The following TMEM204 variants were observed in gnomAD, a reference collection of about 807,000 sequenced individuals.
The protein encoded by TMEM204 is transmembrane protein 204, also known as claudin-like protein 24.
Under a neutral mutation model 19.4 loss-of-function variants are expected in TMEM204, and 15 were observed. That is an observed-to-expected ratio of 0.77 (90% CI 0.52 to 1.19). TMEM204 has a LOEUF of 1.19. TMEM204 is among the 50% of genes most tolerant of loss of function. The probability of loss-of-function intolerance (pLI) is 0.00; values close to 1 mark genes in which losing one functional copy is unlikely to be tolerated. For synonymous variants in TMEM204, 161 were observed against 146.0 expected, an observed-to-expected ratio of 1.10 and a Z score of -0.74; for missense variants, 287 against 321.2, an observed-to-expected ratio of 0.89 and a Z score of 0.81.
At chr16:1,537,210 G>A (rs113185530) in intron 1 of TMEM204, among the ~76,000 whole-genome samples, 32 of 151,602 alleles carry the variant, frequency 2.1e-4, no homozygotes, top group African/African-American at 6.7e-4. Flanking sequence ...GTCACACCGC[G>A]TGCCTCCTCA....
At chr16:1,548,595 G>T (rs2032369220) in intron 2 of TMEM204, among the ~76,000 whole-genome samples, 1 of 152,210 alleles carries the variant, frequency 6.6e-6, no homozygotes, top group African/African-American at 2.4e-5. Flanking sequence ...TGGGAGAAAA[G>T]TCTTCAGGAA....
At chr16:1,533,571 G>C (rs1192335874), upstream of TMEM204, 4 of 152,338 alleles carry the variant, frequency 2.6e-5, no homozygotes, top group African/African-American at 9.6e-5. This position sits in a 1 kb window ranked among gnomAD's most constrained non-coding sequence, Gnocchi z 4.7. Flanking sequence ...CCATCAGGAA[G>C]CACATCCTGT....
At chr16:1,541,571 A>G (rs1431716324) in intron 1 of TMEM204, 1 of 896,828 alleles carries the variant, frequency 1.1e-6, no homozygotes, top group East Asian at 1.2e-4. Flanking sequence ...TCCCCTTCCC[A>G]CCTCCACCCC....
chr16:1,536,245 G>A (rs1424655101), intron 1 of TMEM204, among the ~76,000 whole-genome samples: 2 of 152,204 alleles, frequency 1.3e-5, no homozygotes, highest in African/African-American at 2.4e-5. Context: ...TACCTCTTGC[G>A]TTCCTCCAGT....
chr16:1,553,451 C>T lies in TMEM204; in HGVS notation c.437-1331C>T. On this transcript the variant is annotated intron_variant, in intron 2 of 2. Coordinates refer to ENST00000566264, the MANE Select transcript of TMEM204 (RefSeq NM_024600.6). The surrounding 1 kb of genome is among the most constrained non-coding windows in gnomAD (Gnocchi z 4.4). ...GGAGAGACCGGCATGAACAGACGCA[C>T]AGGTGTCAACATGCAGGCCAGGCGG... The T allele has an allele frequency of 1.0e-6, 1 of 985,436 alleles. No individual in the cohort carries two copies. 61.0% of individuals were successfully genotyped at this position (985,436 alleles called of 1,614,324 possible). A position where few individuals can be genotyped will look rare whatever the true frequency, so the allele number is the denominator to read the frequency against.
chr16:1,534,468 GC>G lies in TMEM204; in HGVS notation c.195del (p.Gly66AlafsTer33). The stretch of plus-strand genomic sequence containing the variant: ...GGGAGGGCCGAGCCCTGGGGCCAGA[GC>G]CGGCCAGGTGGACGCACATGACTGT... ...TRGGPSPGAR[A>X]GQVDAHDCEA... On this transcript the variant is annotated frameshift_variant, in exon 1 of 3. Transcript: ENST00000566264. LOFTEE classifies it high-confidence loss of function. 6.2e-7 allele frequency: 1 copy of G among 1,611,098 alleles called. No homozygotes were observed.
rs1230728320 is a variant in TMEM204, at chr16:1,534,358, C to T, written c.83C>T (p.Ser28Phe). The T allele has an allele frequency of 6.2e-7, 1 of 1,612,908 alleles. No homozygotes were observed. The highest frequency in any genetic ancestry group is 1.1e-5 in the South Asian group (1 of 91,088). The change falls in exon 1 of 3, where the codon TCC becomes TTC. Residue 28 changes from serine (S) to phenylalanine (F), a missense_variant. Coordinates refer to ENST00000566264, the MANE Select transcript of TMEM204 (RefSeq NM_024600.6). ...LILNNVAAFT[S>F]NWVCQTLEDG... Reference sequence around the variant, plus strand: ...CTCAACAACGTGGCGGCCTTCACCTCCAACTGGGTGTGCCAGACGCTGGAG... The same window carrying T: ...CTCAACAACGTGGCGGCCTTCACCTTCAACTGGGTGTGCCAGACGCTGGAG...
At position 1,534,555 on chromosome 16, in the gene TMEM204, C is replaced by T. The variant is rs148391234; in HGVS notation, c.280C>T (p.Leu94=). 63 of 1,601,644 alleles carry T rather than the reference C, an allele frequency of 3.9e-5. No individual in the cohort carries two copies. In the East Asian group the frequency reaches 8.9e-4, roughly 23 times the overall value. Residue 94 remains leucine (L), a splice_region_variant and synonymous_variant, in exon 1 of 3, where the codon CTG becomes TTG. Coordinates refer to ENST00000566264, the MANE Select transcript of TMEM204 (RefSeq NM_024600.6). ...GFQESRGTVK[L]QFDMMRACNL... ...CCAGGAGTCCCGAGGCACCGTCAAACGTAAGTCCAATTGTTTTCCTGATGC... is the reference window on the plus strand; with the variant it reads ...CCAGGAGTCCCGAGGCACCGTCAAATGTAAGTCCAATTGTTTTCCTGATGC...
At chr16:1,554,637 A>G (rs2032942721) in intron 2 of TMEM204, 145 bp from the exon 3 acceptor site, 1 of 1,270,476 alleles carries the variant, frequency 7.9e-7, no homozygotes, top group Non-Finnish European at 1.1e-6. Context: ...CTGGGGAAGG[A>G]TAAAGCAGGC....
chr16:1,548,835 G>A (rs1200651976), intron 2 of TMEM204, among the ~76,000 whole-genome samples: 1 of 152,272 alleles, frequency 6.6e-6, no homozygotes, highest in Non-Finnish European at 1.5e-5. Context: ...GCCAAGGTTA[G>A]AGCAGCACAG....
intron 1 of TMEM204, among the ~76,000 whole-genome samples, chr16:1,536,993 G>A (rs2031138203): frequency 6.6e-6 from 1 of 152,240 alleles, no homozygotes; most frequent in East Asian, 1.9e-4. Flanking sequence ...CCCTGGCTGG[G>A]GGCAGCAGCT....
At chr16:1,550,910 T>C (rs927200394) in intron 2 of TMEM204, among the ~76,000 whole-genome samples, 5 of 152,222 alleles carry the variant, frequency 3.3e-5, no homozygotes, top group African/African-American at 1.2e-4. Flanking sequence ...AACAGGCCTG[T>C]TGAGTACAGG....
intron 2 of TMEM204, among the ~76,000 whole-genome samples, chr16:1,547,844 A>G (rs1280374234): frequency 6.6e-6 from 1 of 152,056 alleles, no homozygotes; most frequent in Non-Finnish European, 1.5e-5. Context: ...CAAATCATCT[A>G]TTTATTTCTT....
At position 1,541,973 on chromosome 16, in the gene TMEM204, C is replaced by A. The variant is rs528100414; in HGVS notation, c.333C>A (p.Thr111=). 4 of 1,610,810 alleles carry A rather than the reference C, an allele frequency of 2.5e-6. No homozygotes were observed. Among genetic ancestry groups the A allele is most frequent in the Non-Finnish European group, 3.4e-6 (4 of 1,179,668 alleles). Residue 111 remains threonine, a synonymous_variant, in exon 2 of 3, where the codon ACC becomes ACA. Coordinates refer to ENST00000566264, the MANE Select transcript of TMEM204 (RefSeq NM_024600.6). ...ACCTGGTGGCCACGGCCGCGCTCAC[C>A]GCAGGCCAGCTCACCTTCCTCCTGG... The part of the protein sequence containing the change: ...ACNLVATAAL[T]AGQLTFLLGL...
At position 1,553,505 on chromosome 16, in the gene TMEM204, G is replaced by A. The variant is rs369693219; in HGVS notation, c.437-1277G>A. On this transcript the variant is annotated intron_variant, in intron 2 of 2. Transcript: ENST00000566264. This position sits in a 1 kb window ranked among gnomAD's most constrained non-coding sequence, Gnocchi z 4.4. ...GACAGCAGTGGGGCTCGGCGTGGCCGGAGCCTGGGGAGGGACATGGACAAG... is the reference window on the plus strand; with the variant it reads ...GACAGCAGTGGGGCTCGGCGTGGCCAGAGCCTGGGGAGGGACATGGACAAG... 3.4e-5 allele frequency: 34 copies of A among 992,018 alleles called. No homozygotes were observed. The East Asian group carries it at 6.5e-4, about 19-fold the overall frequency. The allele number at this position is 992,018 out of a possible 1,614,324, so 61.5% of individuals were successfully genotyped here. A position where few individuals can be genotyped will look rare whatever the true frequency, so the allele number is the denominator to read the frequency against.
In TMEM204 at chr16:1,553,441, AACAG is replaced by A. The variant is rs1186172027; in HGVS notation, c.437-1338_437-1335del. The stretch of plus-strand genomic sequence containing the variant: ...GGTTGGGAGTGGAGAGACCGGCATG[AACAG>A]ACGCACAGGTGTCAACATGCAGGCC... On this transcript the variant is annotated intron_variant, in intron 2 of 2. Coordinates refer to ENST00000566264, the MANE Select transcript of TMEM204 (RefSeq NM_024600.6). This position sits in a 1 kb window ranked among gnomAD's most constrained non-coding sequence, Gnocchi z 4.4. 14 of 985,262 alleles carry A rather than the reference AACAG, an allele frequency of 1.4e-5. No individual in the cohort carries two copies. The highest frequency in any genetic ancestry group is 1.7e-5 in the Non-Finnish European group (14 of 829,916). 61.0% of individuals were successfully genotyped at this position (985,262 alleles called of 1,614,324 possible).
Position 1,554,955 on chromosome 16 carries a change from G to A in TMEM204, c.610G>A (p.Val204Ile). 2 of 1,614,084 alleles carry A rather than the reference G, an allele frequency of 1.2e-6. No homozygotes were observed. Among genetic ancestry groups the A allele is most frequent in the Non-Finnish European group, 1.7e-6 (2 of 1,180,026 alleles). Residue 204 changes from valine to isoleucine, a missense_variant, in exon 3 of 3, where the codon GTC becomes ATC. Transcript: ENST00000566264. ...REDCMAPRVIVISRSLTARFR... is the reference protein window; with the variant it reads ...REDCMAPRVIIISRSLTARFR... ...GGACTGCATGGCCCCCCGGGTGATT[G>A]TCATCAGCCGCTCCCTGACAGCGCG...
intron 2 of TMEM204, among the ~76,000 whole-genome samples, chr16:1,550,052 C>A (rs1169782599): frequency 1.3e-5 from 2 of 152,158 alleles, no homozygotes; most frequent in Non-Finnish European, 2.9e-5. Context: ...ACCTCCTGGG[C>A]TCAGCCTCCT....
intron 1 of TMEM204, among the ~76,000 whole-genome samples, chr16:1,537,430 G>A (rs1003839114): frequency 6.6e-6 from 1 of 152,236 alleles, no homozygotes; most frequent in Non-Finnish European, 1.5e-5. Flanking sequence ...GACAGGGGAC[G>A]CGCCCCGGAC....
Sources: allele counts gnomAD v4.1 joint callset (sites outside exome capture counted in the v4.1 genomes callset), GRCh38; gene constraint gnomAD v4.1.1; non-coding constraint Gnocchi (gnomAD v3.1); transcripts MANE v1.5; gene names NCBI Gene and HGNC (gene_info 2026-07-23, HGNC 2026-07-21).